Variants in CPNE6 observed in about 807,000 individuals in gnomAD.
CPNE6 encodes copine 6, also known as copine-6.
In CPNE6, 33 loss-of-function variants were observed where a neutral mutation model predicts 71.5. That is an observed-to-expected ratio of 0.46 (90% CI 0.35 to 0.62). The LOEUF (loss-of-function observed/expected upper bound fraction) is 0.62, where lower values mean the gene tolerates loss of function less well. Among genes scored for constraint, CPNE6 ranks in the 20% least tolerant of loss-of-function variants. CPNE6 has a pLI of 0.00. For missense variants in CPNE6, 576 were observed against 747.3 expected (o/e 0.77, Z 2.67); for synonymous variants, 296 against 293.0 (o/e 1.01, Z -0.10).
chr14:24,077,322 C>A lies in CPNE6; in HGVS notation c.1468C>A (p.Arg490Ser). 6.2e-7 allele frequency: 1 copy of A among 1,613,834 alleles called. No homozygotes were observed. Among genetic ancestry groups the A allele is most frequent in the Non-Finnish European group, 8.5e-7 (1 of 1,179,998 alleles). ...GCTGGATGGCGACGACGGCCCCTTG[C>A]GCTGCCCCCGAGGGGTGCCTGCAGC... Residue 490 changes from arginine to serine, a missense_variant, in exon 16 of 18, where the codon CGC becomes AGC. Around this residue, in one of 4 missense-constraint regions of CPNE6, gnomAD observed 264 missense variants for 339.9 expected, o/e 0.78. Transcript: ENST00000397016. This position sits in a 1 kb window ranked among gnomAD's most constrained non-coding sequence, Gnocchi z 6.1.
In CPNE6 at chr14:24,075,419, G is replaced by A. The variant is rs2036028930; in HGVS notation, c.778-86G>A. 6.3e-6 allele frequency: 9 copies of A among 1,433,154 alleles called. 1 individual carries two copies. In the South Asian group the frequency reaches 1.1e-4, roughly 17 times the overall value. 88.8% of individuals were successfully genotyped at this position (1,433,154 alleles called of 1,614,324 possible). On this transcript the variant is annotated intron_variant, in intron 9 of 17. Coordinates refer to ENST00000397016, the Ensembl canonical transcript of CPNE6. This position sits in a 1 kb window ranked among gnomAD's most constrained non-coding sequence, Gnocchi z 4.3. ...TCAGCTGAAGGACGGAACCATGGGG[G>A]TCTTGCTCTGGGAGGCTCTGCTGGA...
Position 24,073,742 on chromosome 14 carries a change from A to G in CPNE6, c.348+64A>G. 1 of 1,517,424 alleles carries G rather than the reference A, an allele frequency of 6.6e-7. No homozygotes were observed. Among genetic ancestry groups the G allele is most frequent in the Non-Finnish European group, 8.9e-7 (1 of 1,122,630 alleles). The allele number at this position is 1,517,424 out of a possible 1,614,324, so 94.0% of individuals were successfully genotyped here. ...TCCATCAGCTTTGCCTCTGGAAGCC[A>G]AAAAGAGAGAAAACATGAGCTCTAG... On this transcript the variant is annotated intron_variant, in intron 4 of 17. Transcript: ENST00000397016. This position sits in a 1 kb window ranked among gnomAD's most constrained non-coding sequence, Gnocchi z 5.5.
chr14:24,071,469 C>T, intron 1 of CPNE6, 93 bp from the exon 1 acceptor site: 1 of 1,524,958 alleles, frequency 6.6e-7, no homozygotes, highest in Non-Finnish European at 8.8e-7. Flanking sequence ...TTCTCCCTCC[C>T]AATCCATCCA....
At position 24,075,463 on chromosome 14, in the gene CPNE6, C is replaced by G. The variant is rs369875632; in HGVS notation, c.778-42C>G. 3 of 1,573,632 alleles carry G rather than the reference C, an allele frequency of 1.9e-6. No homozygotes were observed. In the South Asian group the frequency reaches 3.4e-5, roughly 18 times the overall value. ...TGCTGGAAGGGAGAAAGAGGGGTCA[C>G]CTGATGGACTTGTGACCCTGAGCTT... On this transcript the variant is annotated intron_variant, in intron 9 of 17. Coordinates refer to ENST00000397016, the Ensembl canonical transcript of CPNE6. This position sits in a 1 kb window ranked among gnomAD's most constrained non-coding sequence, Gnocchi z 4.3.
chr14:24,072,154 G>A (rs923654046), intron 2 of CPNE6: 1 of 152,966 alleles, frequency 6.5e-6, no homozygotes, highest in Admixed American at 6.5e-5. Flanking sequence ...CCACTGCTGG[G>A]GGAAGGTGGC....
chr14:24,077,875 C>T lies in CPNE6; in HGVS notation c.*38-13C>T. ...TAGAAGAGAGTGCTTATGACTCTCC[C>T]ACCCCCTCCCAGGTGCCTGTCCTGA... On this transcript the variant is annotated splice_polypyrimidine_tract_variant and intron_variant, in intron 17 of 17. Coordinates refer to ENST00000397016, the Ensembl canonical transcript of CPNE6. The surrounding 1 kb of genome is among the most constrained non-coding windows in gnomAD (Gnocchi z 6.1). The T allele has an allele frequency of 3.5e-6, 3 of 859,766 alleles. No homozygotes were observed. The highest frequency in any genetic ancestry group is 2.9e-5 in the South Asian group (1 of 34,256). The allele number at this position is 859,766 out of a possible 1,614,324, so 53.3% of individuals were successfully genotyped here. A position where few individuals can be genotyped will look rare whatever the true frequency, so the allele number is the denominator to read the frequency against.
chr14:24,076,937 C>A, exon 15 of CPNE6: 1 of 1,613,330 alleles, frequency 6.2e-7, no homozygotes, highest in Non-Finnish European at 8.5e-7. Context: ...AGCTCTACGG[C>A]CCCACCAATG....
chr14:24,072,614 G>C (rs2138842703), intron 2 of CPNE6: 1 of 256,268 alleles, frequency 3.9e-6, no homozygotes, highest in South Asian at 1.6e-4. Flanking sequence ...TGCTGAGGCG[G>C]CAGAAAGTGT....
At chr14:24,072,937 A>G in exon 3 of CPNE6, 1 of 1,573,336 alleles carries the variant, frequency 6.4e-7, no homozygotes. Flanking sequence ...CCACAGTGAC[A>G]TGTCGGACCC....
At chr14:24,076,950 G>A (rs777107957) in exon 15 of CPNE6, 6 of 1,613,078 alleles carry the variant, frequency 3.7e-6, no homozygotes, top group Non-Finnish European at 5.1e-6. Flanking sequence ...CACCAATGTG[G>A]CCCCCATCAT....
intron 12 of CPNE6, 26 bp from the exon 12 acceptor site, chr14:24,076,334 A>G: frequency 1.9e-6 from 3 of 1,614,158 alleles, no homozygotes; most frequent in Non-Finnish European, 1.7e-6. Context: ...TGCCCAACGG[A>G]TTCCACAGCT....
In CPNE6 at chr14:24,073,493, C is replaced by T. The variant is rs1452408618; in HGVS notation, c.169-6C>T. 2 of 1,612,378 alleles carry T rather than the reference C, an allele frequency of 1.2e-6. No individual in the cohort carries two copies. The highest frequency in any genetic ancestry group is 2.2e-5 in the South Asian group (2 of 90,936). On this transcript the variant is annotated splice_polypyrimidine_tract_variant and splice_region_variant and intron_variant, in intron 3 of 17. Transcript: ENST00000397016. The surrounding 1 kb of genome is among the most constrained non-coding windows in gnomAD (Gnocchi z 5.5). ...AGCCCTCGCCTCCCTTCAACCACTA[C>T]CACAGGTAGAGCGCACAGAGGTGCT... is the stretch of plus-strand genomic sequence containing the variant.
At position 24,074,633 on chromosome 14, in the gene CPNE6, G is replaced by A; in HGVS notation, c.582+19G>A. ...AACTGAGGTTGGTGCCTGGGGCTAT[G>A]GGGATGAAGGGAGGGAGAGTAAAGT... On this transcript the variant is annotated intron_variant, in intron 7 of 17. Transcript: ENST00000397016. The surrounding 1 kb of genome is among the most constrained non-coding windows in gnomAD (Gnocchi z 4.5). The A allele has an allele frequency of 6.2e-7, 1 of 1,613,818 alleles. No homozygotes were observed. The highest frequency in any genetic ancestry group is 1.3e-5 in the African/African-American group (1 of 75,044).
At position 24,073,624 on chromosome 14, in the gene CPNE6, C is replaced by T. The variant is rs775645995; in HGVS notation, c.294C>T (p.Ala98=). The change falls in exon 4 of 18, where the codon GCC becomes GCT. Residue 98 remains alanine (A), a synonymous_variant. Transcript: ENST00000397016. The surrounding 1 kb of genome is among the most constrained non-coding windows in gnomAD (Gnocchi z 5.5). ...ACGTGTTCGATGCCGAGGACGGAGC[C>T]ACCAGCCCCCGAAATGATACCTTCC... The T allele has an allele frequency of 6.2e-7, 1 of 1,613,972 alleles. No homozygotes were observed. The highest frequency in any genetic ancestry group is 8.5e-7 in the Non-Finnish European group (1 of 1,180,014).
Position 24,075,458 on chromosome 14 carries a change from G to A in CPNE6, c.778-47G>A, listed in dbSNP as rs1409789827. 1 of 1,560,746 alleles carries A rather than the reference G, an allele frequency of 6.4e-7. No individual in the cohort carries two copies. The highest frequency in any genetic ancestry group is 1.8e-5 in the Admixed American group (1 of 56,168). On this transcript the variant is annotated intron_variant, in intron 9 of 17. Coordinates refer to ENST00000397016, the Ensembl canonical transcript of CPNE6. The surrounding 1 kb of genome is among the most constrained non-coding windows in gnomAD (Gnocchi z 4.3). ...GGCTCTGCTGGAAGGGAGAAAGAGG[G>A]GTCACCTGATGGACTTGTGACCCTG...
In CPNE6 at chr14:24,076,575, C is replaced by T. The variant is rs1211621690; in HGVS notation, c.1165+18C>T. 5.6e-6 allele frequency: 9 copies of T among 1,614,038 alleles called. 1 individual carries two copies. In the East Asian group the frequency reaches 8.9e-5, roughly 16 times the overall value. The stretch of plus-strand genomic sequence containing the variant: ...ATGTGAAGGTAAAAGGGGAGATTTT[C>T]ACCTGCCCCGCCTCCCCGCAGACAC... On this transcript the variant is annotated intron_variant, in intron 14 of 17. Coordinates refer to ENST00000397016, the Ensembl canonical transcript of CPNE6.
rs2036150812 is a variant in CPNE6, at chr14:24,077,862, C to T, written c.*38-26C>T. The T allele has an allele frequency of 2.0e-6, 2 of 991,246 alleles. No homozygotes were observed. The highest frequency in any genetic ancestry group is 3.5e-5 in the Admixed American group (1 of 28,682). 61.4% of individuals were successfully genotyped at this position (991,246 alleles called of 1,614,324 possible). Reference sequence around the variant, plus strand: ...GCTGGGTGTAGTGTAGAAGAGAGTGCTTATGACTCTCCCACCCCCTCCCAG... The same window carrying T: ...GCTGGGTGTAGTGTAGAAGAGAGTGTTTATGACTCTCCCACCCCCTCCCAG... On this transcript the variant is annotated intron_variant, in intron 17 of 17. Transcript: ENST00000397016. This position sits in a 1 kb window ranked among gnomAD's most constrained non-coding sequence, Gnocchi z 6.1.
At position 24,074,279 on chromosome 14, in the gene CPNE6, T is replaced by C. The variant is rs1308506484; in HGVS notation, c.424-12T>C. On this transcript the variant is annotated splice_polypyrimidine_tract_variant and intron_variant, in intron 5 of 17. Transcript: ENST00000397016. The surrounding 1 kb of genome is among the most constrained non-coding windows in gnomAD (Gnocchi z 4.5). The stretch of plus-strand genomic sequence containing the variant: ...GGTTAGGGGAGTCCTGCCACTTGTA[T>C]CCCCCTTGCAGATCGTGGCCGAGGA... 2 of 1,591,572 alleles carry C rather than the reference T, an allele frequency of 1.3e-6. No individual in the cohort carries two copies. Among genetic ancestry groups the C allele is most frequent in the Non-Finnish European group, 1.7e-6 (2 of 1,165,604 alleles).
Position 24,074,228 on chromosome 14 carries a change from A to G in CPNE6, c.424-63A>G. On this transcript the variant is annotated intron_variant, in intron 5 of 17. Transcript: ENST00000397016. This position sits in a 1 kb window ranked among gnomAD's most constrained non-coding sequence, Gnocchi z 4.5. ...CCAGGACCACCCCCACCTAAGGGAAAGGGGATGGGGTGGCCCTTGTGGTAA... is the reference window on the plus strand; with the variant it reads ...CCAGGACCACCCCCACCTAAGGGAAGGGGGATGGGGTGGCCCTTGTGGTAA... The G allele has an allele frequency of 1.9e-6, 3 of 1,595,174 alleles. No homozygotes were observed. The highest frequency in any genetic ancestry group is 2.6e-6 in the Non-Finnish European group (3 of 1,162,898).
Sources: allele counts gnomAD v4.1 joint callset, GRCh38; gene constraint gnomAD v4.1.1; regional missense constraint gnomAD v4.1.1; non-coding constraint Gnocchi (gnomAD v3.1); transcripts MANE v1.5; gene names NCBI Gene and HGNC (gene_info 2026-07-23, HGNC 2026-07-21).